PALLD: variants seen among roughly 807,000 people sequenced by gnomAD.
PALLD encodes the protein palladin, cytoskeletal associated protein, also known as palladin.
Under a neutral mutation model 123.5 loss-of-function variants are expected in PALLD, and 61 were observed. The observed-to-expected ratio is 0.49, with a 90% CI of 0.40 to 0.61. The LOEUF is 0.61. Ranked by LOEUF, PALLD falls within the 20% of genes least tolerant of loss-of-function variation. The probability of loss-of-function intolerance (pLI) is 0.00; values close to 1 mark genes in which losing one functional copy is unlikely to be tolerated. For synonymous variants in PALLD, 465 were observed against 496.4 expected (o/e 0.94, Z 0.84); for missense variants, 1,273 against 1,377.0 (o/e 0.92, Z 1.20).
chr4:168,642,728 T>G (rs1385889740), intron 2 of PALLD, among the ~76,000 whole-genome samples: 3 of 152,122 alleles, frequency 2.0e-5, no homozygotes, highest in Non-Finnish European at 4.4e-5. Context: ...TAGGCTTGAG[T>G]CTTCCTGCAC....
chr4:168,600,006 TA>T (rs1239432535), intron 2 of PALLD, among the ~76,000 whole-genome samples: 1 of 129,392 alleles, frequency 7.7e-6, no homozygotes, highest in African/African-American at 2.5e-5. Flanking sequence ...CACACACGTA[TA>T]TACATACATG....
At chr4:168,780,124 C>G (rs1735708262) in intron 10 of PALLD, among the ~76,000 whole-genome samples, 1 of 152,156 alleles carries the variant, frequency 6.6e-6, no homozygotes, top group African/African-American at 2.4e-5. Context: ...GTCTCGAACT[C>G]CTGACCTCAA....
rs139466164 is a variant in PALLD, at chr4:168,847,597, A to G, written c.1965-43325A>G. On this transcript the variant is annotated intron_variant, in intron 10 of 21. Transcript: ENST00000505667. Reference sequence around the variant, plus strand: ...GTTTTGCCCTGTGGAGTGGAATTGTATGAGGATTGGTGGTTATGTGGGAAA... The same window carrying G: ...GTTTTGCCCTGTGGAGTGGAATTGTGTGAGGATTGGTGGTTATGTGGGAAA... 7.0e-4 allele frequency among the ~76,000 whole-genome samples: 107 copies of G among 152,362 alleles called. No homozygotes were observed. The East Asian group carries it at 0.019, about 27-fold the overall frequency.
intron 10 of PALLD, among the ~76,000 whole-genome samples, chr4:168,784,471 A>G (rs140648976): frequency 2.5e-3 from 379 of 152,324 alleles, no homozygotes; most frequent in African/African-American, 8.8e-3. Flanking sequence ...GCTTTTGCAC[A>G]TGTTGTATTG....
chr4:168,609,345 CAAAAAA>C (rs5863949), intron 2 of PALLD, among the ~76,000 whole-genome samples: 7 of 71,600 alleles, frequency 9.8e-5, no homozygotes, highest in East Asian at 5.6e-4. Flanking sequence ...AAGCTGTTAC[CAAAAAA>C]AAAAAAAAAA....
chr4:168,526,447 A>G (rs1355081275), intron 2 of PALLD, among the ~76,000 whole-genome samples: 1 of 152,068 alleles, frequency 6.6e-6, no homozygotes, highest in Non-Finnish European at 1.5e-5. Context: ...TTATGATCCA[A>G]AAAGAAAGAG....
At chr4:168,812,912 A>G (rs190536412) in intron 10 of PALLD, among the ~76,000 whole-genome samples, 16 of 152,284 alleles carry the variant, frequency 1.1e-4, no homozygotes, top group Middle Eastern at 3.4e-3. Flanking sequence ...AGGGAAGCCT[A>G]AAATTTGTAC....
At chr4:168,776,181 C>T (rs1735146340) in intron 10 of PALLD, among the ~76,000 whole-genome samples, 1 of 152,186 alleles carries the variant, frequency 6.6e-6, no homozygotes, top group Admixed American at 6.5e-5. Context: ...GTATATCTCT[C>T]CATTTACTTA....
At chr4:168,858,970 G>T (rs1749032184) in intron 10 of PALLD, among the ~76,000 whole-genome samples, 1 of 152,154 alleles carries the variant, frequency 6.6e-6, no homozygotes, top group South Asian at 2.1e-4. Context: ...TGCGTCTTAA[G>T]ACAGTAGACT....
chr4:168,683,180 G>C (rs1781722695), intron 5 of PALLD, 77 bp downstream of exon 5: 1 of 768,458 alleles, frequency 1.3e-6, no homozygotes, highest in Non-Finnish European at 2.3e-6. Context: ...ATATGACTTT[G>C]ATTCTAACTA....
chr4:168,788,054 C>T (rs1383250140), intron 10 of PALLD, among the ~76,000 whole-genome samples: 5 of 152,192 alleles, frequency 3.3e-5, no homozygotes, highest in Admixed American at 3.3e-4. Context: ...TAGTCAAGTT[C>T]CACTGGGTTT....
intron 2 of PALLD, among the ~76,000 whole-genome samples, chr4:168,515,566 G>A (rs1246543504): frequency 3.3e-5 from 5 of 152,196 alleles, no homozygotes; most frequent in African/African-American, 1.2e-4. Context: ...CAGCTGTACT[G>A]GGAGGTAAGT....
chr4:168,755,257 G>A (rs1250009489), intron 10 of PALLD, among the ~76,000 whole-genome samples: 1 of 151,630 alleles, frequency 6.6e-6, no homozygotes. Context: ...AAAAAGGGCA[G>A]GGTAGAGGGA....
intron 2 of PALLD, among the ~76,000 whole-genome samples, chr4:168,544,940 T>C (rs1765997661): frequency 6.6e-6 from 1 of 152,134 alleles, no homozygotes. Context: ...TACACGTGCC[T>C]ATATATGACC....
chr4:168,683,771 C>T (rs1266433543), intron 5 of PALLD, among the ~76,000 whole-genome samples: 2 of 152,078 alleles, frequency 1.3e-5, no homozygotes, highest in Non-Finnish European at 2.9e-5. Flanking sequence ...GGTTTTCCCC[C>T]ACAGTCTGGA....
At chr4:168,719,201 C>T (rs1785696258) in intron 10 of PALLD, among the ~76,000 whole-genome samples, 1 of 150,900 alleles carries the variant, frequency 6.6e-6, no homozygotes, top group Admixed American at 6.6e-5. Flanking sequence ...CCACTGCTCC[C>T]AGCCACCAGT....
intron 17 of PALLD, among the ~76,000 whole-genome samples, chr4:168,917,052 T>TGG (rs1760297822): frequency 6.8e-6 from 1 of 147,968 alleles, no homozygotes; most frequent in Non-Finnish European, 1.5e-5. Flanking sequence ...TTTTGGGGTT[T>TGG]TTTTTTTTTT....
intron 2 of PALLD, among the ~76,000 whole-genome samples, chr4:168,517,868 T>C (rs550179072): frequency 4.3e-4 from 65 of 152,308 alleles, no homozygotes; most frequent in African/African-American, 1.4e-3. Context: ...ACACGTGTTG[T>C]GACTGCAACA....
At chr4:168,574,538 C>T (rs1580380306) in intron 2 of PALLD, among the ~76,000 whole-genome samples, 2 of 152,192 alleles carry the variant, frequency 1.3e-5, no homozygotes, top group East Asian at 3.9e-4. Flanking sequence ...TGTCTGTCTC[C>T]CTAATAGACT....
Sources: allele counts gnomAD v4.1 joint callset (sites outside exome capture counted in the v4.1 genomes callset), GRCh38; gene constraint gnomAD v4.1.1; transcripts MANE v1.5; gene names NCBI Gene and HGNC (gene_info 2026-07-23, HGNC 2026-07-21).